Variants in CRKL observed in about 807,000 individuals in gnomAD.
CRKL encodes crk-like protein.
Under a neutral mutation model 23.0 loss-of-function variants are expected in CRKL, and 3 were observed. The observed-to-expected ratio is 0.13, with a 90% CI of 0.06 to 0.34. The LOEUF (loss-of-function observed/expected upper bound fraction) is 0.34. Among genes scored for constraint, CRKL ranks in the 10% least tolerant of loss-of-function variants. CRKL has a pLI of 1.00. For synonymous variants in CRKL, 188 were observed against 160.7 expected, an observed-to-expected ratio of 1.17 and a Z score of -1.28; for missense variants, 256 against 394.5, an observed-to-expected ratio of 0.65 and a Z score of 2.97.
At position 20,917,849 on chromosome 22, in the gene CRKL, C is replaced by T; in HGVS notation, c.-86C>T. On this transcript the variant is annotated 5_prime_UTR_variant, in exon 1 of 3. Transcript: ENST00000354336. ...GGTGTGCGAGAGGCCCTTCCTCGGC[C>T]CCAAAGCCGTCTGCCGGGCTAAGGC... is the stretch of plus-strand genomic sequence containing the variant. 3 of 1,375,384 alleles carry T rather than the reference C, an allele frequency of 2.2e-6. No individual in the cohort carries two copies. The highest frequency in any genetic ancestry group is 5.1e-4 in the Middle Eastern group (2 of 3,912). 85.2% of individuals were successfully genotyped at this position (1,375,384 alleles called of 1,614,324 possible). A position where few individuals can be genotyped will look rare whatever the true frequency, so the allele number is the denominator to read the frequency against.
intron 2 of CRKL, among the ~76,000 whole-genome samples, chr22:20,944,966 A>C (rs552171594): frequency 3.3e-5 from 5 of 151,564 alleles, no homozygotes; most frequent in Non-Finnish European, 5.9e-5. Flanking sequence ...GGATTCAGGC[A>C]TGAGCTACCG....
At chr22:20,932,750 A>G (rs1450690672) in intron 1 of CRKL, among the ~76,000 whole-genome samples, 1 of 152,194 alleles carries the variant, frequency 6.6e-6, no homozygotes, top group African/African-American at 2.4e-5. Context: ...AAATTACAAC[A>G]TGATAGAACC....
intron 1 of CRKL, among the ~76,000 whole-genome samples, chr22:20,927,524 T>G (rs1366150645): frequency 6.6e-6 from 1 of 150,928 alleles, no homozygotes; most frequent in Non-Finnish European, 1.5e-5. Context: ...TTTTTTTTTT[T>G]TTTTTTAACT....
intron 2 of CRKL, among the ~76,000 whole-genome samples, chr22:20,944,203 G>A (rs962256673): frequency 1.2e-4 from 17 of 141,498 alleles, no homozygotes; most frequent in Non-Finnish European, 2.6e-4. Flanking sequence ...TGCCCAGACT[G>A]GTCTCAAACT....
intron 2 of CRKL, among the ~76,000 whole-genome samples, chr22:20,949,401 G>A (rs752832567): frequency 6.6e-6 from 1 of 152,084 alleles, no homozygotes; most frequent in African/African-American, 2.4e-5. Context: ...AGCTGTAATC[G>A]GGCCACTGCA....
intron 2 of CRKL, among the ~76,000 whole-genome samples, chr22:20,938,465 A>T (rs1287134724): frequency 6.6e-6 from 1 of 152,168 alleles, no homozygotes; most frequent in African/African-American, 2.4e-5. Flanking sequence ...ACAGGTGAGC[A>T]TGCTGGGCAA....
At chr22:20,943,441 A>G (rs1019453362) in intron 2 of CRKL, among the ~76,000 whole-genome samples, 1 of 151,954 alleles carries the variant, frequency 6.6e-6, no homozygotes, top group Non-Finnish European at 1.5e-5. Context: ...GGGTTTTACC[A>G]TGTTGGCCAG....
intron 2 of CRKL, among the ~76,000 whole-genome samples, chr22:20,942,895 G>C (rs911052069): frequency 6.6e-6 from 1 of 152,096 alleles, no homozygotes; most frequent in Non-Finnish European, 1.5e-5. Flanking sequence ...TGGGATTATA[G>C]GCATGAGCCT....
In CRKL at chr22:20,936,155, A is replaced by G. The variant is rs564749940; in HGVS notation, c.777+1911A>G. Among the ~76,000 whole-genome samples the G allele has an allele frequency of 4.6e-5, 7 of 152,232 alleles. No individual in the cohort carries two copies. In the South Asian group the frequency reaches 6.2e-4, roughly 14 times the overall value. On this transcript the variant is annotated intron_variant, in intron 2 of 2. Transcript: ENST00000354336. ...AGCCTGGGCAATAGGGTGAGACCCT[A>G]TCTCAAAAAAAGGGGGGAGAATGTT...
Position 20,949,794 on chromosome 22 carries a change from C to T in CRKL, c.861C>T (p.Pro287=), listed in dbSNP as rs1021708818. 6.2e-7 allele frequency: 1 copy of T among 1,612,098 alleles called. No homozygotes were observed. The highest frequency in any genetic ancestry group is 1.3e-5 in the African/African-American group (1 of 74,796). ...TGAACGGGCGCAAAGGGCTTTTCCC[C>T]TTTACGCACGTCAAAATCTTTGACC... The part of the protein sequence containing the change: ...GEVNGRKGLF[P]FTHVKIFDPQ... Residue 287 remains proline, a synonymous_variant, in exon 3 of 3, where the codon CCC becomes CCT. Transcript: ENST00000354336.
intron 2 of CRKL, among the ~76,000 whole-genome samples, chr22:20,941,809 C>G (rs5761455): frequency 0.76 from 113,936 of 150,258 alleles, 43,740 homozygotes; most frequent in South Asian, 0.91. Context: ...GGCTAGGCTG[C>G]TCTTGAACTC....
chr22:20,934,771 C>G (rs1921586687), intron 2 of CRKL, among the ~76,000 whole-genome samples: 1 of 139,004 alleles, frequency 7.2e-6, no homozygotes, highest in Admixed American at 7.2e-5. Flanking sequence ...ATGAAAATGT[C>G]TTAGAATTTC....
chr22:20,919,019 G>C (rs1929794170), intron 1 of CRKL, among the ~76,000 whole-genome samples: 1 of 118,928 alleles, frequency 8.4e-6, no homozygotes, highest in South Asian at 2.6e-4. Context: ...ACACCATCCC[G>C]GGTGCTTGTA....
chr22:20,928,648 AC>A (rs1418640505), intron 1 of CRKL, among the ~76,000 whole-genome samples: 2 of 151,674 alleles, frequency 1.3e-5, no homozygotes, highest in Non-Finnish European at 2.9e-5. Context: ...CCCTGTTTCT[AC>A]CAAAAATACA....
intron 1 of CRKL, among the ~76,000 whole-genome samples, chr22:20,921,403 T>C (rs118114459): frequency 0.03 from 4,549 of 152,360 alleles, 89 homozygotes; most frequent in Middle Eastern, 0.065. Flanking sequence ...TGTAACCCAG[T>C]GTAGGTACTG....
intron 1 of CRKL, among the ~76,000 whole-genome samples, chr22:20,930,399 A>G (rs1921398130): frequency 1.3e-5 from 2 of 152,170 alleles, no homozygotes; most frequent in Admixed American, 1.3e-4. Flanking sequence ...TTTGTTTTTA[A>G]GATGGAGTCT....
rs567341128 is a variant in CRKL, at chr22:20,930,884, G to A, written c.312-2895G>A. Among the ~76,000 whole-genome samples the A allele has an allele frequency of 4.1e-5, 6 of 147,954 alleles. No individual in the cohort carries two copies. In the East Asian group the frequency reaches 6.2e-4, roughly 15 times the overall value. The stretch of plus-strand genomic sequence containing the variant: ...TTTAGTAGAGAGACAGGGTTTCACC[G>A]TGTTAGCCAGGATGGTCTCAATCTC... On this transcript the variant is annotated intron_variant, in intron 1 of 2. Transcript: ENST00000354336.
At chr22:20,921,738 G>A (rs113455907) in intron 1 of CRKL, among the ~76,000 whole-genome samples, 16,522 of 150,668 alleles carry the variant, frequency 0.11, 1,315 homozygotes, top group Non-Finnish European at 0.16. Flanking sequence ...TTCTTGAGAC[G>A]GAGTCTTGCT....
Position 20,953,316 on chromosome 22 carries a change from G to T in CRKL, c.*3471G>T, listed in dbSNP as rs1922346300. On this transcript the variant is annotated 3_prime_UTR_variant, in exon 3 of 3. Coordinates refer to ENST00000354336, the MANE Select transcript of CRKL (RefSeq NM_005207.4). ...CTGCTGTCGGTGTGGACGCTGTGCT[G>T]GTTCTGTTTTCTAAAGGAGCAGAAG... 1 of 230,706 alleles carries T rather than the reference G, an allele frequency of 4.3e-6. No individual in the cohort carries two copies. The highest frequency in any genetic ancestry group is 8.6e-6 in the Non-Finnish European group (1 of 116,416). The allele number at this position is 230,706 out of a possible 1,614,324, so 14.3% of individuals were successfully genotyped here.
Sources: gnomAD v4.1 joint callset for allele counts (sites outside exome capture counted in the v4.1 genomes callset) on GRCh38, gnomAD v4.1.1 for gene constraint, MANE v1.5 for transcripts, NCBI Gene and HGNC (gene_info 2026-07-23, HGNC 2026-07-21) for gene names.